SCN11A: variants seen among roughly 807,000 people sequenced by gnomAD.
The protein encoded by SCN11A is sodium channel protein type 11 subunit alpha.
SCN11A carries 122 observed loss-of-function variants against 162.2 expected under a neutral mutation model. The observed-to-expected ratio is 0.75, with a 90% CI of 0.65 to 0.87. The LOEUF is 0.87. Among genes scored for constraint, SCN11A ranks in the 40% least tolerant of loss-of-function variants. The pLI, the probability that SCN11A is intolerant of heterozygous loss-of-function variation, is 0.00. For synonymous variants in SCN11A, 758 were observed against 751.5 expected (o/e 1.01, Z -0.14); for missense variants, 2,015 against 2,181.6 (o/e 0.92, Z 1.52).
chr3:38,873,275 G>C (rs1387078194), intron 23 of SCN11A, among the ~76,000 whole-genome samples: 2 of 152,112 alleles, frequency 1.3e-5, no homozygotes, highest in Non-Finnish European at 2.9e-5. Context: ...GGCTCAGCTT[G>C]GAAGAAGAGT....
intron 2 of SCN11A, among the ~76,000 whole-genome samples, chr3:39,018,779 C>T (rs2031365498): frequency 6.6e-6 from 1 of 152,142 alleles, no homozygotes; most frequent in South Asian, 2.1e-4. Context: ...GATGGCGCCA[C>T]TGCACTCCAG....
rs1316856760 is a variant in SCN11A, at chr3:38,919,813, T to C, written c.959+122A>G. The C allele has an allele frequency of 5.3e-6, 4 of 748,266 alleles. No individual in the cohort carries two copies. In the South Asian group the frequency reaches 6.5e-5, roughly 12 times the overall value. 46.4% of individuals were successfully genotyped at this position (748,266 alleles called of 1,614,324 possible). ...ACAAGTCTAAACATGTTTAGACACA[T>C]GAAATAATTATGTGAGAACTATCAT... On this transcript the variant is annotated intron_variant, in intron 11 of 29. Transcript: ENST00000302328.
chr3:38,966,429 T>C (rs967797406), intron 2 of SCN11A, among the ~76,000 whole-genome samples: 8 of 152,176 alleles, frequency 5.3e-5, no homozygotes, highest in Admixed American at 5.2e-4. Flanking sequence ...AAAAAAAAGA[T>C]GAAGCAAGGT....
intron 28 of SCN11A, among the ~76,000 whole-genome samples, chr3:38,860,718 C>T (rs1444251758): frequency 2.0e-5 from 3 of 152,038 alleles, no homozygotes; most frequent in Non-Finnish European, 4.4e-5. Flanking sequence ...CTCAGCAAAA[C>T]TGGCATAGAA....
intron 27 of SCN11A, among the ~76,000 whole-genome samples, chr3:38,865,646 G>T (rs1252612925): frequency 6.6e-6 from 1 of 152,056 alleles, no homozygotes; most frequent in Non-Finnish European, 1.5e-5. Context: ...TTGGGAGTTT[G>T]ACTCTGAAAA....
At chr3:38,909,483 A>G (rs943984818) in intron 12 of SCN11A, among the ~76,000 whole-genome samples, 25 of 152,230 alleles carry the variant, frequency 1.6e-4, no homozygotes, top group African/African-American at 5.8e-4. Context: ...CAAGAGAGAT[A>G]GGGCAGTAGG....
In SCN11A at chr3:38,879,977, C is replaced by A; in HGVS notation, c.3366G>T (p.Trp1122Cys). The A allele has an allele frequency of 6.2e-7, 1 of 1,613,030 alleles. No individual in the cohort carries two copies. Among genetic ancestry groups the A allele is most frequent in the Non-Finnish European group, 8.5e-7 (1 of 1,179,450 alleles). ...TCACAATGATGAAATCAAGGCAGCA[C>A]CAGGCACTGGTGAAATACTTTCCAA... ...FGFGKYFTSA[W>C]CCLDFIIVIV... The change falls in exon 23 of 30, where the codon TGG (tryptophan) becomes TGT (cysteine). Residue 1122 changes from tryptophan to cysteine, a missense_variant. Physicochemically the swap from Trp to Cys is radical, Grantham distance 215 (BLOSUM62 -2). Transcript: ENST00000302328.
chr3:38,861,191 T>G (rs544223615), intron 28 of SCN11A, among the ~76,000 whole-genome samples: 2 of 151,864 alleles, frequency 1.3e-5, no homozygotes, highest in African/African-American at 2.4e-5. Flanking sequence ...ACCAAGGAGA[T>G]GAAAGATCTC....
intron 7 of SCN11A, among the ~76,000 whole-genome samples, chr3:38,936,566 A>T (rs1315095450): frequency 6.6e-6 from 1 of 151,092 alleles, no homozygotes; most frequent in South Asian, 2.1e-4. Context: ...AAGCATTCTT[A>T]TACACCAACA....
At chr3:38,990,537 G>A (rs897522130) in intron 2 of SCN11A, among the ~76,000 whole-genome samples, 2 of 152,166 alleles carry the variant, frequency 1.3e-5, no homozygotes, top group Non-Finnish European at 2.9e-5. Flanking sequence ...ATTGGAGGAG[G>A]AGAGAGGAGC....
intron 2 of SCN11A, among the ~76,000 whole-genome samples, chr3:38,993,386 C>G (rs1425071671): frequency 6.6e-6 from 1 of 152,226 alleles, no homozygotes; most frequent in East Asian, 1.9e-4. Flanking sequence ...GGGTCTCACT[C>G]TCCTCGGCCA....
Position 38,921,227 on chromosome 3 carries a change from T to C in SCN11A, c.741A>G (p.Leu247=), listed in dbSNP as rs756839938. 12 of 1,613,832 alleles carry C rather than the reference T, an allele frequency of 7.4e-6. No homozygotes were observed. Among genetic ancestry groups the C allele is most frequent in the Middle Eastern group, 1.6e-4 (1 of 6,076 alleles). ...SRLKVIVGAL[L]RSVKKLVNVI... Reference sequence around the variant, plus strand: ...CGTTGACCAGCTTCTTCACAGAGCGTAGCAAGGCCCCCACGATGACCTTCA... The same window carrying C: ...CGTTGACCAGCTTCTTCACAGAGCGCAGCAAGGCCCCCACGATGACCTTCA... Residue 247 remains leucine (L), a synonymous_variant, in exon 10 of 30, where the codon CTA becomes CTG. Coordinates refer to ENST00000302328, the MANE Select transcript of SCN11A (RefSeq NM_001349253.2).
At chr3:38,975,852 A>C (rs1354731576) in intron 2 of SCN11A, among the ~76,000 whole-genome samples, 1 of 152,132 alleles carries the variant, frequency 6.6e-6, no homozygotes, top group Non-Finnish European at 1.5e-5. Flanking sequence ...TGTTTAATGG[A>C]TATAGAGTTT....
At chr3:38,867,515 A>G (rs2065061133) in intron 26 of SCN11A, 57 bp from the exon 27 acceptor site, 12 of 1,360,820 alleles carry the variant, frequency 8.8e-6, no homozygotes, top group Non-Finnish European at 1.2e-5. Flanking sequence ...AAATATAAGC[A>G]TTCTAACTAC....
intron 7 of SCN11A, among the ~76,000 whole-genome samples, chr3:38,929,494 C>T (rs2066205328): frequency 6.6e-6 from 1 of 152,192 alleles, no homozygotes; most frequent in Non-Finnish European, 1.5e-5. Context: ...TTGTGCAGCA[C>T]TGTGAATGCA....
chr3:38,947,989 C>G (rs1207120535), intron 5 of SCN11A, among the ~76,000 whole-genome samples: 1 of 152,232 alleles, frequency 6.6e-6, no homozygotes, highest in Non-Finnish European at 1.5e-5. Flanking sequence ...TGAGTGCTAC[C>G]TTGGCTCAGG....
At chr3:39,029,679 A>G (rs1284861869) in intron 2 of SCN11A, among the ~76,000 whole-genome samples, 1 of 152,262 alleles carries the variant, frequency 6.6e-6, no homozygotes, top group African/African-American at 2.4e-5. Context: ...CATTCATAGC[A>G]GTTCAGCAAT....
chr3:38,905,197 A>G lies in SCN11A; in HGVS notation c.1598T>C (p.Met533Thr). ...GATTGGGATGTGGAACTTACCCTTC[A>G]TGGTGATGGTGAGGATGCTGACAGC... The part of the protein sequence containing the change: ...LSAVSILTIT[M>T]KEQEKSQEPC... The change falls in exon 15 of 30, where the codon ATG becomes ACG. Residue 533 changes from methionine (M) to threonine (T), a missense_variant. By Grantham distance (81) the Met-to-Thr change is moderately conservative. Transcript: ENST00000302328. The G allele has an allele frequency of 6.2e-7, 1 of 1,614,046 alleles. No individual in the cohort carries two copies. Among genetic ancestry groups the G allele is most frequent in the South Asian group, 1.1e-5 (1 of 91,056 alleles).
intron 2 of SCN11A, among the ~76,000 whole-genome samples, chr3:38,972,114 T>C (rs2066820126): frequency 6.6e-6 from 1 of 152,160 alleles, no homozygotes; most frequent in South Asian, 2.1e-4. Context: ...TTTCTTAAAT[T>C]ACTTGGTTTC....
Sources: gnomAD v4.1 joint callset for allele counts (sites outside exome capture counted in the v4.1 genomes callset) on GRCh38, gnomAD v4.1.1 for gene constraint, MANE v1.5 for transcripts, NCBI Gene and HGNC (gene_info 2026-07-23, HGNC 2026-07-21) for gene names.